MNAT1: variants seen among roughly 807,000 people sequenced by gnomAD.
The protein encoded by MNAT1 is MNAT1 component of CDK activating kinase.
In MNAT1, 43 loss-of-function variants were observed where a neutral mutation model predicts 42.0. That is an observed-to-expected ratio of 1.02 (90% CI 0.80 to 1.32). The LOEUF (loss-of-function observed/expected upper bound fraction) is 1.32. Among genes scored for constraint, MNAT1 ranks in the 40% most tolerant of loss-of-function variants. The pLI, the probability that MNAT1 is intolerant of heterozygous loss-of-function variation, is 0.00. For synonymous variants in MNAT1, 118 were observed against 120.0 expected (o/e 0.98, Z 0.11); for missense variants, 306 against 350.4 (o/e 0.87, Z 1.01).
chr14:60,773,550 A>G (rs764644902), intron 1 of MNAT1, among the ~76,000 whole-genome samples: 6 of 152,232 alleles, frequency 3.9e-5, no homozygotes, highest in Non-Finnish European at 8.8e-5. Flanking sequence ...CAGGAAAGCA[A>G]AAACCACCCT....
chr14:60,825,615 A>G (rs1055395460), intron 6 of MNAT1, among the ~76,000 whole-genome samples: 11 of 152,196 alleles, frequency 7.2e-5, no homozygotes, highest in Non-Finnish European at 1.5e-4. Context: ...AATAGATGGT[A>G]TTCCTATTTT....
At chr14:60,908,093 C>A (rs1403277076) in intron 7 of MNAT1, among the ~76,000 whole-genome samples, 1 of 152,076 alleles carries the variant, frequency 6.6e-6, no homozygotes. Flanking sequence ...ATTGACAAAT[C>A]TGCAGAAGTC....
intron 6 of MNAT1, among the ~76,000 whole-genome samples, chr14:60,867,933 A>G (rs1032800614): frequency 6.6e-6 from 1 of 152,134 alleles, no homozygotes; most frequent in Non-Finnish European, 1.5e-5. Context: ...GGAAAAATGA[A>G]TTATACTTGC....
intron 7 of MNAT1, among the ~76,000 whole-genome samples, chr14:60,915,381 A>C (rs2035490057): frequency 6.6e-6 from 1 of 152,172 alleles, no homozygotes; most frequent in South Asian, 2.1e-4. Context: ...ATTCATGGTG[A>C]ATATGAAAAT....
In MNAT1 at chr14:60,780,638, G is replaced by A. The variant is rs983987968; in HGVS notation, c.90-15579G>A. On this transcript the variant is annotated intron_variant, in intron 1 of 7. Transcript: ENST00000261245. Reference sequence around the variant, plus strand: ...AATGTAATTGTAATTTTGAAATGTGGTTTTCCTGAAATCAAGTCATCTATA... The same window carrying A: ...AATGTAATTGTAATTTTGAAATGTGATTTTCCTGAAATCAAGTCATCTATA... 6 of 1,204,420 alleles carry A rather than the reference G, an allele frequency of 5.0e-6. No homozygotes were observed. In the African/African-American group the frequency reaches 6.1e-5, roughly 12 times the overall value. The allele number at this position is 1,204,420 out of a possible 1,614,324, so 74.6% of individuals were successfully genotyped here. A position where few individuals can be genotyped will look rare whatever the true frequency, so the allele number is the denominator to read the frequency against.
chr14:60,964,675 G>T (rs570816844), intron 7 of MNAT1, among the ~76,000 whole-genome samples: 1 of 152,186 alleles, frequency 6.6e-6, no homozygotes, highest in Non-Finnish European at 1.5e-5. Flanking sequence ...TTGACTTTTG[G>T]AAGTAAATTT....
Position 60,829,678 on chromosome 14 carries a change from A to G in MNAT1, c.687+10831A>G, listed in dbSNP as rs4151241. Among the ~76,000 whole-genome samples, 564 of 152,308 alleles carry G rather than the reference A, an allele frequency of 3.7e-3. 3 individuals are homozygous for G. Among genetic ancestry groups the G allele is most frequent in the Middle Eastern group, 6.8e-3 (2 of 294 alleles). The stretch of plus-strand genomic sequence containing the variant: ...GAGGACAAGGTAAAATCAGTATTCT[A>G]TGAGTGGTGGGAAGCTTTGATTCCT... On this transcript the variant is annotated intron_variant, in intron 6 of 7. Coordinates refer to ENST00000261245, the MANE Select transcript of MNAT1 (RefSeq NM_002431.4).
intron 1 of MNAT1, among the ~76,000 whole-genome samples, chr14:60,786,063 G>GAT (rs2031640558): frequency 6.6e-6 from 1 of 151,288 alleles, no homozygotes; most frequent in African/African-American, 2.4e-5. Context: ...TAAACTCTAA[G>GAT]AAATAGAAAC....
chr14:60,762,705 CAA>C (rs33957783), intron 1 of MNAT1, among the ~76,000 whole-genome samples: 46 of 94,792 alleles, frequency 4.9e-4, no homozygotes, highest in African/African-American at 1.9e-3. Flanking sequence ...GACTCTGTCT[CAA>C]AAAAAAAAAA....
intron 1 of MNAT1, among the ~76,000 whole-genome samples, chr14:60,778,248 T>G (rs2031322085): frequency 6.6e-6 from 1 of 152,134 alleles, no homozygotes; most frequent in African/African-American, 2.4e-5. Flanking sequence ...TGTATGAGAC[T>G]CAGATAATTA....
Position 60,922,651 on chromosome 14 carries a change from T to C in MNAT1, c.809+42816T>C, listed in dbSNP as rs554042738. On this transcript the variant is annotated intron_variant, in intron 7 of 7. Coordinates refer to ENST00000261245, the MANE Select transcript of MNAT1 (RefSeq NM_002431.4). ...TCTGAAATAAATTTCTTAAAACTTC[T>C]AGGGGAGGGAGAGGGGACAAAAAGA... Among the ~76,000 whole-genome samples, 11 of 152,100 alleles carry C rather than the reference T, an allele frequency of 7.2e-5. 1 individual carries two copies. Among genetic ancestry groups the C allele is most frequent in the African/African-American group, 2.6e-4 (11 of 41,526 alleles).
At chr14:60,789,227 G>A (rs1232967527) in intron 1 of MNAT1, among the ~76,000 whole-genome samples, 1 of 152,156 alleles carries the variant, frequency 6.6e-6, no homozygotes, top group African/African-American at 2.4e-5. Context: ...GTCAGTTGGT[G>A]AAGCAGTTGG....
intron 7 of MNAT1, among the ~76,000 whole-genome samples, chr14:60,934,064 T>C (rs1235709921): frequency 6.6e-6 from 1 of 152,204 alleles, no homozygotes; most frequent in Non-Finnish European, 1.5e-5. Context: ...GGTAGAGATG[T>C]ACATAAGCTG....
chr14:60,778,631 G>A (rs143419801), intron 1 of MNAT1, among the ~76,000 whole-genome samples: 135 of 152,292 alleles, frequency 8.9e-4, no homozygotes, highest in African/African-American at 3.1e-3. Flanking sequence ...ACCAAGAGTC[G>A]CACTTTACAG....
intron 7 of MNAT1, among the ~76,000 whole-genome samples, chr14:60,893,829 T>C (rs1463523149): frequency 6.6e-6 from 1 of 152,142 alleles, no homozygotes; most frequent in East Asian, 1.9e-4. Context: ...AGATTGCCCT[T>C]GCTTTTTACT....
rs565374510 is a variant in MNAT1 at position 60,855,759 on chromosome 14, G to A, written c.688-23955G>A. ...TAGCTGTTCCTGTTCAGCCATCTTGGCCCCTCCCCCCAACTTTTTTATTAT... is the reference window on the plus strand; with the variant it reads ...TAGCTGTTCCTGTTCAGCCATCTTGACCCCTCCCCCCAACTTTTTTATTAT... On this transcript the variant is annotated intron_variant, in intron 6 of 7. Coordinates refer to ENST00000261245, the MANE Select transcript of MNAT1 (RefSeq NM_002431.4). 5.9e-5 allele frequency among the ~76,000 whole-genome samples: 9 copies of A among 152,202 alleles called. No individual in the cohort carries two copies. The East Asian group carries it at 1.7e-3, about 29-fold the overall frequency.
chr14:60,763,839 T>C (rs955875352), intron 1 of MNAT1, among the ~76,000 whole-genome samples: 1 of 152,192 alleles, frequency 6.6e-6, no homozygotes, highest in Non-Finnish European at 1.5e-5. Context: ...TCCACAGTGA[T>C]GGAAAAATGA....
intron 7 of MNAT1, among the ~76,000 whole-genome samples, chr14:60,938,427 T>C (rs1266427111): frequency 6.6e-6 from 1 of 152,234 alleles, no homozygotes; most frequent in African/African-American, 2.4e-5. Flanking sequence ...TTGAGAGTTT[T>C]TAGCATGAAG....
chr14:60,929,077 G>A (rs1182992746), intron 7 of MNAT1, among the ~76,000 whole-genome samples: 1 of 147,708 alleles, frequency 6.8e-6, no homozygotes, highest in Non-Finnish European at 1.5e-5. Flanking sequence ...AACCTGGGAG[G>A]CAGAGGTTGC....
Sources: allele counts gnomAD v4.1 joint callset (sites outside exome capture counted in the v4.1 genomes callset), GRCh38; gene constraint gnomAD v4.1.1; transcripts MANE v1.5; gene names NCBI Gene and HGNC (gene_info 2026-07-23, HGNC 2026-07-21).